Variants in DNER observed in about 807,000 individuals in gnomAD.
DNER encodes the protein delta/notch like EGF repeat containing, also known as delta and Notch-like epidermal growth factor-related receptor.
In DNER, 33 loss-of-function variants were observed where a neutral mutation model predicts 78.2. The observed-to-expected ratio is 0.42, with a 90% CI of 0.32 to 0.56. DNER has a LOEUF of 0.56. Ranked by LOEUF, DNER falls within the 20% of genes least tolerant of loss-of-function variation. The probability of loss-of-function intolerance (pLI) is 0.11; values close to 1 mark genes in which losing one functional copy is unlikely to be tolerated. For missense variants in DNER, 918 were observed against 975.3 expected (o/e 0.94, Z 0.78); for synonymous variants, 417 against 384.8 (o/e 1.08, Z -0.98).
chr2:229,634,701 C>T (rs934846185), intron 1 of DNER, among the ~76,000 whole-genome samples: 1 of 152,138 alleles, frequency 6.6e-6, no homozygotes, highest in African/African-American at 2.4e-5. Flanking sequence ...GGGAATTGCC[C>T]GTCTTTTCTG....
At chr2:229,455,295 T>G (rs1307994670) in intron 7 of DNER, among the ~76,000 whole-genome samples, 1 of 152,086 alleles carries the variant, frequency 6.6e-6, no homozygotes, top group Non-Finnish European at 1.5e-5. Context: ...ACCTCAGGCT[T>G]AATCATTTTT....
intron 9 of DNER, among the ~76,000 whole-genome samples, chr2:229,409,022 A>C (rs1315810280): frequency 2.0e-5 from 3 of 152,138 alleles, no homozygotes; most frequent in Non-Finnish European, 4.4e-5. Context: ...GACTTGAACG[A>C]GCCTCCTCAA....
At chr2:229,645,546 T>C (rs1234344968) in intron 1 of DNER, among the ~76,000 whole-genome samples, 2 of 152,188 alleles carry the variant, frequency 1.3e-5, no homozygotes, top group Non-Finnish European at 2.9e-5. Flanking sequence ...TGTTCACCAA[T>C]CTGTCAATAG....
At chr2:229,682,839 G>A (rs1699408218) in intron 1 of DNER, among the ~76,000 whole-genome samples, 1 of 151,944 alleles carries the variant, frequency 6.6e-6, no homozygotes, top group East Asian at 1.9e-4. Context: ...CAGAGCAAGA[G>A]TCTGTCTCAA....
At chr2:229,499,785 C>A (rs1430292118) in intron 6 of DNER, among the ~76,000 whole-genome samples, 2 of 152,066 alleles carry the variant, frequency 1.3e-5, no homozygotes, top group Non-Finnish European at 2.9e-5. Context: ...AAAATACAAC[C>A]TGCAGAATAA....
chr2:229,486,077 C>T (rs563810128), intron 6 of DNER, among the ~76,000 whole-genome samples: 16 of 152,238 alleles, frequency 1.1e-4, no homozygotes, highest in African/African-American at 3.1e-4. Flanking sequence ...GGGCCTCAGC[C>T]GTGTCTGCTA....
chr2:229,529,262 G>A (rs117593309), intron 5 of DNER, among the ~76,000 whole-genome samples: 83 of 151,880 alleles, frequency 5.5e-4, no homozygotes, highest in East Asian at 3.1e-3. Context: ...AGCGAGCTTC[G>A]GCTGAAAAAT....
chr2:229,713,946 C>T (rs1385904599), intron 1 of DNER, among the ~76,000 whole-genome samples: 5 of 152,288 alleles, frequency 3.3e-5, no homozygotes, highest in East Asian at 1.9e-4. Flanking sequence ...TGGCCCCGCC[C>T]GGGAACCAGG....
chr2:229,432,965 A>C (rs1199994743), intron 8 of DNER, among the ~76,000 whole-genome samples: 1 of 151,946 alleles, frequency 6.6e-6, no homozygotes, highest in African/African-American at 2.4e-5. Flanking sequence ...TTTGAGATGG[A>C]GTTTCACTCT....
chr2:229,586,256 A>G (rs1697493001), intron 3 of DNER, among the ~76,000 whole-genome samples: 1 of 152,058 alleles, frequency 6.6e-6, no homozygotes, highest in Non-Finnish European at 1.5e-5. Flanking sequence ...AACCACTTTG[A>G]TGAACAGTAA....
intron 7 of DNER, among the ~76,000 whole-genome samples, chr2:229,469,441 C>T (rs533774950): frequency 2.6e-4 from 40 of 152,314 alleles, no homozygotes; most frequent in Non-Finnish European, 4.7e-4. Context: ...GGTCTAAGCA[C>T]TGCATATTCA....
At chr2:229,556,425 T>A (rs1313655040) in intron 4 of DNER, among the ~76,000 whole-genome samples, 1 of 152,212 alleles carries the variant, frequency 6.6e-6, no homozygotes, top group Non-Finnish European at 1.5e-5. Flanking sequence ...CTGGCAGGCA[T>A]GTTTTTGTGA....
intron 1 of DNER, among the ~76,000 whole-genome samples, chr2:229,638,698 C>T (rs1006330343): frequency 3.3e-5 from 5 of 152,180 alleles, no homozygotes; most frequent in Non-Finnish European, 5.9e-5. Context: ...GTGCAGGACT[C>T]ATTTATCTAC....
At chr2:229,381,296 C>T (rs770875712) in intron 11 of DNER, among the ~76,000 whole-genome samples, 25 of 152,204 alleles carry the variant, frequency 1.6e-4, no homozygotes, top group African/African-American at 3.4e-4. Context: ...GAGATTCCCT[C>T]GGGTACCTAT....
At chr2:229,526,439 G>T (rs1351414161) in intron 5 of DNER, among the ~76,000 whole-genome samples, 2 of 152,148 alleles carry the variant, frequency 1.3e-5, no homozygotes, top group African/African-American at 2.4e-5. Context: ...TGAAACCCAC[G>T]GTTAATACCC....
chr2:229,498,376 C>T (rs1695543235), intron 6 of DNER, among the ~76,000 whole-genome samples: 1 of 152,062 alleles, frequency 6.6e-6, no homozygotes, highest in African/African-American at 2.4e-5. Context: ...ATGAGTGGCC[C>T]ACTCTCACCA....
At chr2:229,577,200 A>G (rs1323619450) in intron 4 of DNER, among the ~76,000 whole-genome samples, 3 of 152,222 alleles carry the variant, frequency 2.0e-5, no homozygotes, top group Non-Finnish European at 4.4e-5. Flanking sequence ...ATTGATTTGA[A>G]TGGTAAGATG....
intron 9 of DNER, among the ~76,000 whole-genome samples, chr2:229,412,125 C>A (rs1467008242): frequency 3.3e-5 from 5 of 152,104 alleles, no homozygotes; most frequent in Non-Finnish European, 2.9e-5. Context: ...GTTCCTTAAC[C>A]TTTTGACAAT....
chr2:229,529,423 A>C lies in DNER; in HGVS notation c.994-16487T>G, dbSNP rs112576854. On this transcript the variant is annotated intron_variant, in intron 5 of 12. Coordinates refer to ENST00000341772, the MANE Select transcript of DNER (RefSeq NM_139072.4). ...CCATCTTACCAAAGGCTCTTTTTCC[A>C]TCCAAGACCCCTACCACACTTCCTC... is the stretch of plus-strand genomic sequence containing the variant. 6.6e-5 allele frequency among the ~76,000 whole-genome samples: 10 copies of C among 152,284 alleles called. 1 individual carries two copies. Among genetic ancestry groups the C allele is most frequent in the African/African-American group, 2.4e-4 (10 of 41,572 alleles).
Sources: allele counts gnomAD v4.1 joint callset (sites outside exome capture counted in the v4.1 genomes callset), GRCh38; gene constraint gnomAD v4.1.1; transcripts MANE v1.5; gene names NCBI Gene and HGNC (gene_info 2026-07-23, HGNC 2026-07-21).